CNTN5: variants seen among roughly 807,000 people sequenced by gnomAD.
CNTN5 encodes contactin-5.
A neutral mutation model predicts 129.1 loss-of-function variants in CNTN5; 77 were observed. The ratio of observed to expected loss-of-function variants is 0.60; its 90% CI spans 0.50 to 0.72. The LOEUF is 0.72. Ranked by LOEUF, CNTN5 falls within the 30% of genes least tolerant of loss-of-function variation. CNTN5 has a pLI of 0.00. For missense variants in CNTN5, 1,478 were observed against 1,328.8 expected (o/e 1.11, Z -1.75); for synonymous variants, 509 against 465.6 (o/e 1.09, Z -1.20).
intron 1 of CNTN5, among the ~76,000 whole-genome samples, chr11:99,255,856 T>C (rs1862354214): frequency 6.6e-6 from 1 of 151,004 alleles, no homozygotes. Flanking sequence ...ACACCCCACA[T>C]TGGGTGCTCT....
chr11:99,053,326 A>G (rs1055116659), intron 1 of CNTN5, among the ~76,000 whole-genome samples: 1 of 152,010 alleles, frequency 6.6e-6, no homozygotes, highest in Non-Finnish European at 1.5e-5. Context: ...TAGGAAAGAA[A>G]AAAATAACAA....
At chr11:99,917,332 C>A (rs757471352) in intron 7 of CNTN5, among the ~76,000 whole-genome samples, 17 of 152,026 alleles carry the variant, frequency 1.1e-4, no homozygotes, top group Non-Finnish European at 2.2e-4. Context: ...TCTATTCTTG[C>A]CTGCATCTAA....
chr11:99,608,753 C>T (rs1357268285), intron 3 of CNTN5, among the ~76,000 whole-genome samples: 1 of 152,176 alleles, frequency 6.6e-6, no homozygotes. Flanking sequence ...TCAGCTATTA[C>T]AGGCAGTAAA....
At chr11:99,972,332 G>A (rs1197752961) in intron 8 of CNTN5, among the ~76,000 whole-genome samples, 1 of 128,202 alleles carries the variant, frequency 7.8e-6, no homozygotes, top group Non-Finnish European at 1.7e-5. Flanking sequence ...GATCTGCCCA[G>A]AGTTTCTGGG....
chr11:100,139,240 G>A (rs930855426), intron 13 of CNTN5, among the ~76,000 whole-genome samples: 1 of 152,076 alleles, frequency 6.6e-6, no homozygotes, highest in Admixed American at 6.6e-5. Context: ...TAAAGCCCCG[G>A]TTTAGCTCAC....
chr11:99,947,876 T>G (rs1385268449), intron 7 of CNTN5, among the ~76,000 whole-genome samples: 1 of 152,052 alleles, frequency 6.6e-6, no homozygotes. Context: ...AAATTCATAG[T>G]GAAAAAATGT....
intron 1 of CNTN5, among the ~76,000 whole-genome samples, chr11:99,296,034 T>C (rs1033104868): frequency 1.1e-4 from 16 of 152,272 alleles, no homozygotes; most frequent in African/African-American, 3.6e-4. Context: ...TCTTCACAAA[T>C]GAAAGTATAC....
At chr11:100,228,199 C>T (rs1949417640) in intron 16 of CNTN5, among the ~76,000 whole-genome samples, 1 of 152,140 alleles carries the variant, frequency 6.6e-6, no homozygotes, top group South Asian at 2.1e-4. Flanking sequence ...GGTCAAGAAA[C>T]TTTGGGAATA....
chr11:100,108,338 A>G (rs931703544), intron 13 of CNTN5, among the ~76,000 whole-genome samples: 3 of 152,136 alleles, frequency 2.0e-5, no homozygotes, highest in Non-Finnish European at 4.4e-5. Flanking sequence ...TATGGGCTAC[A>G]TGGAAGTGGA....
chr11:99,429,931 G>GA (rs1943294580), intron 2 of CNTN5, among the ~76,000 whole-genome samples: 1 of 144,116 alleles, frequency 6.9e-6, no homozygotes, highest in Non-Finnish European at 1.5e-5. Flanking sequence ...ACAGACCATG[G>GA]TAAAAAAAAA....
At chr11:100,238,299 G>A (rs964535714) in intron 16 of CNTN5, among the ~76,000 whole-genome samples, 2 of 148,860 alleles carry the variant, frequency 1.3e-5, no homozygotes, top group African/African-American at 5.0e-5. Context: ...CAACCAATCA[G>A]TATAGCATTA....
At chr11:100,289,129 C>G (rs1397780203) in intron 18 of CNTN5, among the ~76,000 whole-genome samples, 1 of 151,810 alleles carries the variant, frequency 6.6e-6, no homozygotes, top group Non-Finnish European at 1.5e-5. Flanking sequence ...AGTTTACCAA[C>G]CAAAAAGAGT....
chr11:99,889,385 A>G (rs1591370289), intron 6 of CNTN5, among the ~76,000 whole-genome samples: 1 of 147,554 alleles, frequency 6.8e-6, no homozygotes, highest in Non-Finnish European at 1.5e-5. Flanking sequence ...ATATATATGA[A>G]ATTTGATAAT....
intron 13 of CNTN5, among the ~76,000 whole-genome samples, chr11:100,123,485 T>G (rs1446633139): frequency 6.6e-6 from 1 of 152,070 alleles, no homozygotes; most frequent in Non-Finnish European, 1.5e-5. Context: ...TGATGTCATT[T>G]AACTGATTAC....
chr11:100,228,203 G>A (rs1382480820), intron 16 of CNTN5, among the ~76,000 whole-genome samples: 1 of 152,104 alleles, frequency 6.6e-6, no homozygotes, highest in African/African-American at 2.4e-5. Context: ...AAGAAACTTT[G>A]GGAATAGTCA....
At chr11:100,118,363 AT>A (rs1565258066) in intron 13 of CNTN5, among the ~76,000 whole-genome samples, 2 of 151,850 alleles carry the variant, frequency 1.3e-5, no homozygotes, top group Non-Finnish European at 2.9e-5. Context: ...TCAAAAAAAG[AT>A]GTGAAAGGCA....
intron 3 of CNTN5, among the ~76,000 whole-genome samples, chr11:99,816,152 G>T (rs756982291): frequency 1.3e-5 from 2 of 152,008 alleles, no homozygotes; most frequent in Non-Finnish European, 2.9e-5. Context: ...AAAGACTTTC[G>T]CTTCCTTTCA....
At chr11:100,171,975 T>C (rs781276551) in intron 13 of CNTN5, among the ~76,000 whole-genome samples, 47 of 152,030 alleles carry the variant, frequency 3.1e-4, no homozygotes, top group Non-Finnish European at 6.0e-4. Flanking sequence ...AGTAGCTTTG[T>C]ACTGTCAAGG....
At chr11:99,151,582 G>A (rs1367822705) in intron 1 of CNTN5, among the ~76,000 whole-genome samples, 1 of 152,102 alleles carries the variant, frequency 6.6e-6, no homozygotes, top group Non-Finnish European at 1.5e-5. Flanking sequence ...GGAAGAAAAT[G>A]TATATCAAGA....
Sources: allele counts gnomAD v4.1 joint callset (sites outside exome capture counted in the v4.1 genomes callset), GRCh38; gene constraint gnomAD v4.1.1; transcripts MANE v1.5; gene names NCBI Gene and HGNC (gene_info 2026-07-23, HGNC 2026-07-21).